Variants in AGBL1 observed in about 807,000 individuals in gnomAD.
AGBL1 encodes the protein cytosolic carboxypeptidase 4.
A neutral mutation model predicts 118.9 loss-of-function variants in AGBL1; 130 were observed. That is an observed-to-expected ratio of 1.09 (90% CI 0.95 to 1.26). The LOEUF (loss-of-function observed/expected upper bound fraction) is 1.26. Among genes scored for constraint, AGBL1 ranks in the 50% most tolerant of loss-of-function variants. The probability of loss-of-function intolerance (pLI) is 0.00; values close to 1 mark genes in which losing one functional copy is unlikely to be tolerated. For missense variants in AGBL1, 1,584 were observed against 1,298.1 expected, an observed-to-expected ratio of 1.22 and a Z score of -3.38; for synonymous variants, 555 against 478.9, an observed-to-expected ratio of 1.16 and a Z score of -2.08.
intron 1 of AGBL1, among the ~76,000 whole-genome samples, chr15:86,130,061 G>C (rs1390020370): frequency 2.0e-5 from 3 of 152,176 alleles, no homozygotes; most frequent in Non-Finnish European, 4.4e-5. Context: ...AAGGTCAGCA[G>C]TCGTGTGGGT....
intron 1 of AGBL1, among the ~76,000 whole-genome samples, chr15:86,090,365 C>T (rs1036178628): frequency 2.5e-4 from 38 of 152,098 alleles, no homozygotes; most frequent in African/African-American, 8.9e-4. Flanking sequence ...GAAAAATCCC[C>T]CTATTAGATT....
At chr15:86,777,214 A>G (rs575784865) in intron 22 of AGBL1, among the ~76,000 whole-genome samples, 27 of 151,994 alleles carry the variant, frequency 1.8e-4, no homozygotes, top group African/African-American at 6.0e-4. Flanking sequence ...TCTTTTTTCC[A>G]TGTTATGTTC....
rs893718351 is a variant in AGBL1, at chr15:86,256,721, C to T, written c.736-132C>T. The T allele has an allele frequency of 3.3e-5, 27 of 830,156 alleles. No individual in the cohort carries two copies. In the East Asian group the frequency reaches 4.0e-4, roughly 12 times the overall value. 51.4% of individuals were successfully genotyped at this position (830,156 alleles called of 1,614,324 possible). A position where few individuals can be genotyped will look rare whatever the true frequency, so the allele number is the denominator to read the frequency against. On this transcript the variant is annotated intron_variant, in intron 7 of 22. Coordinates refer to ENST00000614907, the MANE Select transcript of AGBL1 (RefSeq NM_001386094.1). ...TAAGGCTGTTTACGGTCTGTCCATG[C>T]GTATAATTCATTAGCTGAAACACAG...
At chr15:87,023,686 T>C (rs968723710) in intron 24 of AGBL1, among the ~76,000 whole-genome samples, 8 of 152,074 alleles carry the variant, frequency 5.3e-5, no homozygotes, top group Non-Finnish European at 1.2e-4. Context: ...ATATACATTG[T>C]ATTAAACAGC....
chr15:86,492,716 T>G (rs1265962175), intron 18 of AGBL1, among the ~76,000 whole-genome samples: 1 of 151,674 alleles, frequency 6.6e-6, no homozygotes, highest in Non-Finnish European at 1.5e-5. Flanking sequence ...TAAGATAAAA[T>G]AAATACTTAA....
chr15:86,694,391 C>G (rs1162571917), intron 22 of AGBL1, among the ~76,000 whole-genome samples: 1 of 151,926 alleles, frequency 6.6e-6, no homozygotes, highest in Non-Finnish European at 1.5e-5. Flanking sequence ...ATTTGATTCT[C>G]AGCTTGGTCC....
rs76798651 is a variant in AGBL1, at chr15:86,773,986, G to A, written c.3158+99550G>A. Among the ~76,000 whole-genome samples, 721 of 152,180 alleles carry A rather than the reference G, an allele frequency of 4.7e-3. 2 individuals are homozygous for A. The highest frequency in any genetic ancestry group is 8.0e-3 in the Non-Finnish European group (546 of 68,002). On this transcript the variant is annotated intron_variant, in intron 22 of 22. Transcript: ENST00000614907. ...ATATAAATCTATTCTCAGGGATGTGGGTGTCGGCAAGCCCCAATGACCCAC... is the reference window on the plus strand; with the variant it reads ...ATATAAATCTATTCTCAGGGATGTGAGTGTCGGCAAGCCCCAATGACCCAC...
intron 22 of AGBL1, among the ~76,000 whole-genome samples, chr15:86,762,082 G>T (rs1278012050): frequency 6.6e-6 from 1 of 152,022 alleles, no homozygotes; most frequent in East Asian, 1.9e-4. Context: ...CATGGATGAA[G>T]CTGGAAGCCA....
chr15:86,093,238 A>AAATTT (rs1246995550), intron 1 of AGBL1, among the ~76,000 whole-genome samples: 1 of 152,186 alleles, frequency 6.6e-6, no homozygotes, highest in Non-Finnish European at 1.5e-5. Flanking sequence ...GTGACCCAGA[A>AAATTT]AATTTGAAGA....
At chr15:86,869,466 C>G (rs950627901) in intron 22 of AGBL1, among the ~76,000 whole-genome samples, 1 of 152,082 alleles carries the variant, frequency 6.6e-6, no homozygotes, top group Non-Finnish European at 1.5e-5. Flanking sequence ...ATGTTTTAAT[C>G]TAAGATATGG....
At chr15:86,992,230 A>G (rs1053622979) in intron 24 of AGBL1, among the ~76,000 whole-genome samples, 1 of 152,018 alleles carries the variant, frequency 6.6e-6, no homozygotes, top group Non-Finnish European at 1.5e-5. Context: ...GAACTCACTC[A>G]TTACTGCCAG....
chr15:86,813,059 G>T (rs1291409946), intron 22 of AGBL1, among the ~76,000 whole-genome samples: 2 of 152,080 alleles, frequency 1.3e-5, no homozygotes, highest in African/African-American at 4.8e-5. Context: ...TGGAAATGGA[G>T]AGCAGGTAGC....
intron 5 of AGBL1, among the ~76,000 whole-genome samples, chr15:86,213,876 A>G (rs1317281799): frequency 6.6e-6 from 1 of 152,042 alleles, no homozygotes; most frequent in East Asian, 1.9e-4. Flanking sequence ...CTTTGTTGTT[A>G]CCCCCTAAAT....
intron 22 of AGBL1, among the ~76,000 whole-genome samples, chr15:86,754,741 C>A (rs1330459184): frequency 6.6e-6 from 1 of 152,086 alleles, no homozygotes; most frequent in Non-Finnish European, 1.5e-5. Flanking sequence ...AATATCCCTG[C>A]ATAAAGTGGT....
rs149618193 is a variant in AGBL1, at chr15:86,147,900, A to G, written c.262+4055A>G. Among the ~76,000 whole-genome samples the G allele has an allele frequency of 4.4e-3, 672 of 152,270 alleles. 5 individuals carry two copies. Among genetic ancestry groups the G allele is most frequent in the African/African-American group, 0.016 (645 of 41,538 alleles). On this transcript the variant is annotated intron_variant, in intron 3 of 22. Coordinates refer to ENST00000614907, the MANE Select transcript of AGBL1 (RefSeq NM_001386094.1). ...GTAGGCAGCTGCCCCTCTGGAATGA[A>G]GCTTCCAGAGGAAGGATCAGGCAGC...
At chr15:86,897,197 C>A (rs1415570822) in intron 22 of AGBL1, among the ~76,000 whole-genome samples, 1 of 152,024 alleles carries the variant, frequency 6.6e-6, no homozygotes, top group African/African-American at 2.4e-5. Context: ...TTTCCTTTAT[C>A]TTTGAATTTG....
intron 22 of AGBL1, among the ~76,000 whole-genome samples, chr15:86,830,623 T>G (rs1186405703): frequency 6.6e-6 from 1 of 152,176 alleles, no homozygotes; most frequent in Non-Finnish European, 1.5e-5. Context: ...CAGGGCCTAG[T>G]GTCTATCCTG....
At chr15:86,794,311 C>A (rs1258121267) in intron 22 of AGBL1, among the ~76,000 whole-genome samples, 1 of 151,948 alleles carries the variant, frequency 6.6e-6, no homozygotes, top group African/African-American at 2.4e-5. Flanking sequence ...CATGGGTGAA[C>A]CTCAAAACCA....
chr15:86,845,052 C>T (rs72751930), intron 22 of AGBL1, among the ~76,000 whole-genome samples: 6,309 of 152,102 alleles, frequency 0.041, 292 homozygotes, highest in African/African-American at 0.12. Flanking sequence ...TTATGCAGTG[C>T]TTGCTGTCTT....
Sources: gnomAD v4.1 joint callset for allele counts (sites outside exome capture counted in the v4.1 genomes callset) on GRCh38, gnomAD v4.1.1 for gene constraint, MANE v1.5 for transcripts, NCBI Gene and HGNC (gene_info 2026-07-23, HGNC 2026-07-21) for gene names.